The following CSMD2 variants were observed in gnomAD, a reference collection of about 807,000 sequenced individuals.
CSMD2 encodes the protein CUB and Sushi multiple domains 2, also known as CUB and sushi domain-containing protein 2.
Under a neutral mutation model 398.5 loss-of-function variants are expected in CSMD2, and 130 were observed. That is an observed-to-expected ratio of 0.33 (90% CI 0.28 to 0.38). The LOEUF is 0.38. CSMD2 is among the 10% of genes least tolerant of loss of function. CSMD2 has a pLI of 1.00. For missense variants in CSMD2, 3,829 were observed against 4,764.9 expected (o/e 0.80, Z 5.78); for synonymous variants, 1,828 against 1,908.5 (o/e 0.96, Z 1.10).
intron 5 of CSMD2, among the ~76,000 whole-genome samples, chr1:33,915,898 T>A (rs1051260341): frequency 1.3e-5 from 2 of 152,154 alleles, no homozygotes; most frequent in Non-Finnish European, 2.9e-5. Context: ...TAACCTGGGG[T>A]TGAATCCCAG....
intron 5 of CSMD2, among the ~76,000 whole-genome samples, chr1:33,900,737 G>T (rs912441765): frequency 2.0e-5 from 3 of 151,438 alleles, no homozygotes; most frequent in Non-Finnish European, 4.4e-5. Flanking sequence ...CTGAGATCAT[G>T]CCATTGCACT....
intron 5 of CSMD2, among the ~76,000 whole-genome samples, chr1:33,848,385 A>G (rs1638441811): frequency 6.6e-6 from 1 of 152,212 alleles, no homozygotes. Flanking sequence ...ATGAATACGC[A>G]GAACTCACTC....
intron 1 of CSMD2, among the ~76,000 whole-genome samples, chr1:34,113,595 T>G (rs972258040): frequency 6.6e-6 from 1 of 151,954 alleles, no homozygotes; most frequent in African/African-American, 2.4e-5. Context: ...TGAGGGGCAG[T>G]GGGGGAAAGG....
chr1:34,144,677 T>C (rs1442870122), intron 1 of CSMD2, among the ~76,000 whole-genome samples: 2 of 152,168 alleles, frequency 1.3e-5, no homozygotes, highest in Non-Finnish European at 2.9e-5. Context: ...GATCTCTCCA[T>C]GTGACTCCTC....
chr1:33,516,911 A>C (rs1653818118), intron 70 of CSMD2, among the ~76,000 whole-genome samples: 1 of 152,164 alleles, frequency 6.6e-6, no homozygotes, highest in Non-Finnish European at 1.5e-5. Context: ...AGATGAAAAA[A>C]AAAAAATGAC....
At position 33,830,673 on chromosome 1, in the gene CSMD2, C is replaced by T. The variant is rs559394793; in HGVS notation, c.1034-4899G>A. Among the ~76,000 whole-genome samples, 5 of 152,292 alleles carry T rather than the reference C, an allele frequency of 3.3e-5. No individual in the cohort carries two copies. The East Asian group carries it at 5.8e-4, about 18-fold the overall frequency. ...AAAGCTGGATGGAGAATGACTTTGA[C>T]GAATTGAGAGAAGAAGCCTTCAGAT... On this transcript the variant is annotated intron_variant, in intron 6 of 70. Transcript: ENST00000373381.
chr1:34,001,029 A>G (rs1310385003), intron 3 of CSMD2, among the ~76,000 whole-genome samples: 1 of 149,954 alleles, frequency 6.7e-6, no homozygotes, highest in Non-Finnish European at 1.5e-5. Flanking sequence ...GAGGAAAAAG[A>G]GGAGGGAGAG....
At chr1:33,924,367 T>C (rs1305277532) in intron 4 of CSMD2, among the ~76,000 whole-genome samples, 2 of 152,226 alleles carry the variant, frequency 1.3e-5, no homozygotes, top group Admixed American at 6.5e-5. Flanking sequence ...CTGAGTAGTA[T>C]TCCACCATGT....
chr1:33,799,484 A>G (rs1655341523), intron 10 of CSMD2, among the ~76,000 whole-genome samples: 1 of 152,182 alleles, frequency 6.6e-6, no homozygotes, highest in South Asian at 2.1e-4. Flanking sequence ...TGTGAACACC[A>G]TGGATAGTGG....
chr1:33,544,267 C>T (rs560875856), intron 57 of CSMD2, among the ~76,000 whole-genome samples: 7 of 138,356 alleles, frequency 5.1e-5, no homozygotes, highest in East Asian at 2.2e-4. Context: ...CTACCACGAC[C>T]GGCTAATTTT....
At chr1:34,084,874 T>G (rs1411913437) in intron 2 of CSMD2, among the ~76,000 whole-genome samples, 1 of 152,206 alleles carries the variant, frequency 6.6e-6, no homozygotes, top group African/African-American at 2.4e-5. Context: ...GCCATCCCGT[T>G]ACTGGGTATA....
intron 2 of CSMD2, among the ~76,000 whole-genome samples, chr1:34,078,114 A>G (rs1262851325): frequency 6.6e-6 from 1 of 151,946 alleles, no homozygotes; most frequent in Non-Finnish European, 1.5e-5. Context: ...CTGGGACTAC[A>G]GGTGGATGCC....
At chr1:33,786,111 GAT>G (rs1240534681) in intron 12 of CSMD2, among the ~76,000 whole-genome samples, 6 of 152,280 alleles carry the variant, frequency 3.9e-5, no homozygotes, top group Admixed American at 3.3e-4. Context: ...ATCATGACTT[GAT>G]ATTTATTCCC....
chr1:34,104,639 C>G lies in CSMD2; in HGVS notation c.188-15446G>C, dbSNP rs10218838. The stretch of plus-strand genomic sequence containing the variant: ...GCTGCAGATGCTGGATAAATCATCA[C>G]GCCCGCTGAAGGTGTCTCACCTGCC... On this transcript the variant is annotated intron_variant, in intron 1 of 70. Coordinates refer to ENST00000373381, the MANE Select transcript of CSMD2 (RefSeq NM_001281956.2). Among the ~76,000 whole-genome samples the G allele has an allele frequency of 1.5e-3, 236 of 152,292 alleles. 8 individuals are homozygous for G. In the South Asian group the frequency reaches 0.044, roughly 28 times the overall value.
rs1162190865 is a variant in CSMD2 at position 33,935,863 on chromosome 1, G to A, written c.609C>T (p.Tyr203=). Residue 203 remains tyrosine, a synonymous_variant, in exon 4 of 71, where the codon TAC becomes TAT. Transcript: ENST00000373381. ...CCAGGAAGAAGCCAAGGTTGCAGCT[G>A]TAGCGGACCTTGTCACCGAGGTTGA... ...STFNLGDKVR[Y]SCNLGFFLEG... The A allele has an allele frequency of 3.1e-6, 5 of 1,614,218 alleles. No homozygotes were observed. Among genetic ancestry groups the A allele is most frequent in the Non-Finnish European group, 4.2e-6 (5 of 1,180,020 alleles).
At position 33,533,338 on chromosome 1, in the gene CSMD2, G is replaced by C. The variant is rs1156969057; in HGVS notation, c.9992-109C>G. 1 of 1,020,696 alleles carries C rather than the reference G, an allele frequency of 9.8e-7. No individual in the cohort carries two copies. The highest frequency in any genetic ancestry group is 2.6e-5 in the East Asian group (1 of 38,282). The allele number at this position is 1,020,696 out of a possible 1,614,324, so 63.2% of individuals were successfully genotyped here. A position where few individuals can be genotyped will look rare whatever the true frequency, so the allele number is the denominator to read the frequency against. On this transcript the variant is annotated intron_variant, in intron 63 of 70. Coordinates refer to ENST00000373381, the MANE Select transcript of CSMD2 (RefSeq NM_001281956.2). The surrounding 1 kb of genome is among the most constrained non-coding windows in gnomAD (Gnocchi z 4.2). ...GAATATCCTCTTCCTTTCCCTTCCA[G>C]TCCCTTTCATGCCAAGCATCCCCCT...
chr1:33,905,104 G>A (rs191107098), intron 5 of CSMD2, among the ~76,000 whole-genome samples: 423 of 152,076 alleles, frequency 2.8e-3, no homozygotes, highest in Non-Finnish European at 5.1e-3. Context: ...TGTGCCCAGC[G>A]ATATGTTCAT....
chr1:33,817,177 C>T (rs1397569937), intron 9 of CSMD2, among the ~76,000 whole-genome samples: 1 of 152,192 alleles, frequency 6.6e-6, no homozygotes, highest in Non-Finnish European at 1.5e-5. Context: ...ATATCTATCT[C>T]AGCCCTGGGC....
chr1:33,678,428 GC>G (rs1644793836), intron 25 of CSMD2, among the ~76,000 whole-genome samples: 1 of 152,006 alleles, frequency 6.6e-6, no homozygotes, highest in Admixed American at 6.6e-5. Context: ...ATATGAAAGG[GC>G]TTTGGATGTT....
Sources: gnomAD v4.1 joint callset for allele counts (sites outside exome capture counted in the v4.1 genomes callset) on GRCh38, gnomAD v4.1.1 for gene constraint, Gnocchi (gnomAD v3.1) non-coding constraint, MANE v1.5 for transcripts, NCBI Gene and HGNC (gene_info 2026-07-23, HGNC 2026-07-21) for gene names.